The following NEGR1 variants were observed in gnomAD, a reference collection of about 807,000 sequenced individuals.
NEGR1 encodes the protein neuronal growth regulator 1, also known as IgLON family member 4.
A neutral mutation model predicts 40.9 loss-of-function variants in NEGR1; 10 were observed. The observed-to-expected ratio is 0.24, with a 90% CI of 0.15 to 0.42. The LOEUF (loss-of-function observed/expected upper bound fraction) is 0.42, where lower values mean the gene tolerates loss of function less well. Among genes scored for constraint, NEGR1 ranks in the 10% least tolerant of loss-of-function variants. The pLI is 1.00. For synonymous variants in NEGR1, 185 were observed against 166.8 expected, an observed-to-expected ratio of 1.11 and a Z score of -0.84; for missense variants, 352 against 438.9, an observed-to-expected ratio of 0.80 and a Z score of 1.77.
intron 2 of NEGR1, among the ~76,000 whole-genome samples, chr1:71,835,605 C>T (rs1338353060): frequency 6.6e-6 from 1 of 151,940 alleles, no homozygotes; most frequent in Non-Finnish European, 1.5e-5. Context: ...CCTGTCAGTC[C>T]CCCAACCTAT....
intron 1 of NEGR1, among the ~76,000 whole-genome samples, chr1:72,232,472 G>T (rs1266001752): frequency 1.3e-5 from 2 of 152,052 alleles, no homozygotes; most frequent in Non-Finnish European, 2.9e-5. Context: ...CCTTAAAGAG[G>T]TTAGATAGAA....
At chr1:71,494,734 A>C (rs929801417) in intron 6 of NEGR1, among the ~76,000 whole-genome samples, 1 of 152,078 alleles carries the variant, frequency 6.6e-6, no homozygotes, top group African/African-American at 2.4e-5. Flanking sequence ...TTGTTGGTCA[A>C]ACTCACCACA....
chr1:71,805,533 G>A (rs552930076), intron 2 of NEGR1, among the ~76,000 whole-genome samples: 44 of 152,160 alleles, frequency 2.9e-4, no homozygotes, highest in Non-Finnish European at 4.9e-4. Context: ...GCTGAATTTC[G>A]CCCGATATCA....
intron 2 of NEGR1, among the ~76,000 whole-genome samples, chr1:71,817,308 G>A (rs2101770948): frequency 6.6e-6 from 1 of 152,210 alleles, no homozygotes; most frequent in African/African-American, 2.4e-5. Flanking sequence ...TAAGCAAGAT[G>A]GTAGTACAAA....
At chr1:71,675,324 A>G (rs1470840733) in intron 4 of NEGR1, among the ~76,000 whole-genome samples, 1 of 150,804 alleles carries the variant, frequency 6.6e-6, no homozygotes, top group Admixed American at 6.7e-5. Context: ...AAAAACATCC[A>G]TGGCATTCTG....
At chr1:71,959,380 C>T (rs1646144872) in intron 1 of NEGR1, among the ~76,000 whole-genome samples, 1 of 152,112 alleles carries the variant, frequency 6.6e-6, no homozygotes, top group South Asian at 2.1e-4. Context: ...ACAATATTTC[C>T]TTGTTTTTTC....
chr1:72,134,644 C>CT (rs57127142), intron 1 of NEGR1, among the ~76,000 whole-genome samples: 1,574 of 146,454 alleles, frequency 0.011, 31 homozygotes, highest in African/African-American at 0.037. Flanking sequence ...TAGAGGTTTC[C>CT]TTTTTTTTTT....
chr1:71,815,823 AC>A (rs547013532), intron 2 of NEGR1, among the ~76,000 whole-genome samples: 116 of 152,100 alleles, frequency 7.6e-4, no homozygotes, highest in African/African-American at 2.6e-3. Context: ...CTCTTCCTCG[AC>A]TTTTTTTACT....
At chr1:71,414,974 G>T (rs1308287981) in intron 6 of NEGR1, among the ~76,000 whole-genome samples, 1 of 152,074 alleles carries the variant, frequency 6.6e-6, no homozygotes, top group African/African-American at 2.4e-5. Context: ...TGTAAAAATT[G>T]GATAAATGGC....
chr1:71,655,922 A>T (rs945038216), intron 4 of NEGR1, among the ~76,000 whole-genome samples: 1 of 152,314 alleles, frequency 6.6e-6, no homozygotes, highest in South Asian at 2.1e-4. Context: ...CTTAGTAACA[A>T]TAAGTGTCAT....
intron 3 of NEGR1, among the ~76,000 whole-genome samples, chr1:71,761,225 T>A: frequency 6.6e-6 from 1 of 152,194 alleles, no homozygotes; most frequent in East Asian, 1.9e-4. Context: ...ACTTAGGCTT[T>A]GCTGTCCATA....
At chr1:71,938,990 T>C (rs896263482) in intron 1 of NEGR1, among the ~76,000 whole-genome samples, 18 of 152,100 alleles carry the variant, frequency 1.2e-4, no homozygotes, top group African/African-American at 4.3e-4. Context: ...AGAAAATTTA[T>C]AATTTTGATA....
intron 1 of NEGR1, among the ~76,000 whole-genome samples, chr1:72,281,914 G>A (rs1346773295): frequency 1.3e-5 from 2 of 152,154 alleles, no homozygotes; most frequent in African/African-American, 2.4e-5. Flanking sequence ...TGGGAGCAGA[G>A]AACAGCAGTT....
intron 1 of NEGR1, among the ~76,000 whole-genome samples, chr1:71,983,461 T>C (rs1194662087): frequency 6.6e-6 from 1 of 152,184 alleles, no homozygotes; most frequent in Non-Finnish European, 1.5e-5. Context: ...TTTACTCCTA[T>C]GGACCACATA....
At chr1:71,568,829 CGTGTGT>C (rs35692576) in intron 6 of NEGR1, among the ~76,000 whole-genome samples, 2,751 of 147,516 alleles carry the variant, frequency 0.019, 75 homozygotes, top group African/African-American at 0.062. Context: ...TATATGTATA[CGTGTGT>C]GTGTGTGTGT....
At chr1:71,969,737 C>A (rs1646240652) in intron 1 of NEGR1, among the ~76,000 whole-genome samples, 1 of 152,190 alleles carries the variant, frequency 6.6e-6, no homozygotes, top group Admixed American at 6.5e-5. Context: ...TGATTCCCAG[C>A]TGCTTGTGGG....
chr1:72,025,189 T>C (rs1014927429), intron 1 of NEGR1, among the ~76,000 whole-genome samples: 1 of 152,192 alleles, frequency 6.6e-6, no homozygotes, highest in Non-Finnish European at 1.5e-5. Flanking sequence ...AACGTTTACA[T>C]TGACTCCATC....
At chr1:72,097,188 A>T (rs1648736334) in intron 1 of NEGR1, among the ~76,000 whole-genome samples, 1 of 152,306 alleles carries the variant, frequency 6.6e-6, no homozygotes, top group Non-Finnish European at 1.5e-5. Context: ...TTTGAAACCC[A>T]CTGCCACCAC....
chr1:71,917,828 A>C (rs1427368092), intron 2 of NEGR1, among the ~76,000 whole-genome samples: 1 of 151,410 alleles, frequency 6.6e-6, no homozygotes, highest in Non-Finnish European at 1.5e-5. Context: ...GAAGCGGCCA[A>C]ATTGAACAGC....
Sources: gnomAD v4.1 joint callset for allele counts (sites outside exome capture counted in the v4.1 genomes callset) on GRCh38, gnomAD v4.1.1 for gene constraint, MANE v1.5 for transcripts, NCBI Gene and HGNC (gene_info 2026-07-23, HGNC 2026-07-21) for gene names.